Variants in NLGN4X observed in about 807,000 individuals in gnomAD.
NLGN4X encodes the protein neuroligin-4, X-linked.
NLGN4X carries 3 observed loss-of-function variants against 40.3 expected under a neutral mutation model. That is an observed-to-expected ratio of 0.07 (90% CI 0.03 to 0.19). The LOEUF is 0.19. Among genes scored for constraint, NLGN4X ranks in the 10% least tolerant of loss-of-function variants. NLGN4X has a pLI of 1.00. For missense variants in NLGN4X, 382 were observed against 708.3 expected (o/e 0.54, Z 5.23); for synonymous variants, 270 against 306.8 (o/e 0.88, Z 1.25).
At position 6,228,838 on chromosome X, in the gene NLGN4X, G is replaced by C. The variant is rs1353685617; in HGVS notation, c.-603C>G. 2 of 112,332 alleles carry C rather than the reference G, an allele frequency of 1.8e-5. No individual in the cohort carries two copies. Among genetic ancestry groups the C allele is most frequent in the Admixed American group, 1.9e-4 (2 of 10,636 alleles). The allele number at this position is 112,332 out of a possible 1,213,427, so 9.3% of individuals were successfully genotyped here. On this transcript the variant is annotated 5_prime_UTR_variant, in exon 1 of 6. Coordinates refer to ENST00000381095, the MANE Select transcript of NLGN4X (RefSeq NM_181332.3). ...TGGCTGAATAAGAGCTCTGTGCTAA[G>C]AGACAGAGAAGGGAGAGAGACGGTT...
At chrX:6,164,626 C>T (rs923070025) in intron 1 of NLGN4X, among the ~76,000 whole-genome samples, 1 of 111,413 alleles carries the variant, frequency 9.0e-6, no homozygotes, top group Non-Finnish European at 1.9e-5. Context: ...ATCTCTATGT[C>T]TCTTACATAA....
chrX:6,009,321 C>G (rs1044846281), intron 3 of NLGN4X, among the ~76,000 whole-genome samples: 6 of 111,823 alleles, frequency 5.4e-5, no homozygotes, highest in Non-Finnish European at 1.1e-4. Context: ...TCCATGTTTA[C>G]TTTTTTGAGG....
At chrX:5,990,521 G>GA (rs768500941) in intron 3 of NLGN4X, among the ~76,000 whole-genome samples, 4 of 111,867 alleles carry the variant, frequency 3.6e-5, no homozygotes, top group Non-Finnish European at 7.5e-5. Flanking sequence ...TATGTATGAA[G>GA]AAAGACAGGC....
At chrX:6,224,409 C>T (rs1044739813) in intron 1 of NLGN4X, among the ~76,000 whole-genome samples, 2 of 112,184 alleles carry the variant, frequency 1.8e-5, no homozygotes, top group Non-Finnish European at 3.8e-5. Context: ...AAGCAAGTCT[C>T]TGTTGCGGAG....
chrX:6,196,842 C>G (rs1329696970), intron 1 of NLGN4X, among the ~76,000 whole-genome samples: 1 of 111,404 alleles, frequency 9.0e-6, no homozygotes, highest in East Asian at 2.8e-4. Flanking sequence ...AAAGGAAAAC[C>G]CTTCCTGGGG....
chrX:5,978,271 TTTTTCTTTCTTTCTTTCTTTC>T (rs1462201059), intron 3 of NLGN4X, among the ~76,000 whole-genome samples: 1 of 91,238 alleles, frequency 1.1e-5, no homozygotes, highest in Non-Finnish European at 2.0e-5. Flanking sequence ...GGCGTCTCTT[TTTTTCTTTCTTTCTTTCTTTC>T]TTTCTTTCTT....
At chrX:5,912,977 A>AAGGAGGGAGGGAGG (rs2032570540) in intron 3 of NLGN4X, among the ~76,000 whole-genome samples, 1 of 52,250 alleles carries the variant, frequency 1.9e-5, no homozygotes, top group African/African-American at 8.1e-5. Flanking sequence ...GGAGGGAGGG[A>AAGGAGGGAGGGAGG]GAGCAGGAGG....
At chrX:5,930,038 A>G (rs1220891842) in intron 3 of NLGN4X, among the ~76,000 whole-genome samples, 1 of 112,179 alleles carries the variant, frequency 8.9e-6, no homozygotes, top group Non-Finnish European at 1.9e-5. Context: ...GTCACCTCTC[A>G]TAGGAGGGTC....
chrX:6,086,391 T>A (rs11798311), intron 2 of NLGN4X, among the ~76,000 whole-genome samples: 22,792 of 111,010 alleles, frequency 0.21, 1,796 homozygotes, highest in Admixed American at 0.26. Context: ...AAGCAATGAA[T>A]AATAGGAAAT....
At chrX:5,956,197 C>T (rs2034490700) in intron 3 of NLGN4X, among the ~76,000 whole-genome samples, 1 of 107,063 alleles carries the variant, frequency 9.3e-6, no homozygotes, top group Non-Finnish European at 1.9e-5. Flanking sequence ...TGTGTATATA[C>T]ACACATATAT....
chrX:5,967,669 G>T (rs965801896), intron 3 of NLGN4X, among the ~76,000 whole-genome samples: 34 of 111,494 alleles, frequency 3.0e-4, no homozygotes, highest in African/African-American at 1.1e-3. Flanking sequence ...TTTTTAATTT[G>T]CATCAGCAGT....
chrX:5,991,320 T>C, intron 3 of NLGN4X: 1 of 415,001 alleles, frequency 2.4e-6, no homozygotes, highest in Non-Finnish European at 4.4e-6. Context: ...CTCCTCTCCC[T>C]TCCCCCCACA....
intron 1 of NLGN4X, among the ~76,000 whole-genome samples, chrX:6,201,938 C>T (rs905651742): frequency 9.0e-5 from 10 of 110,794 alleles, no homozygotes; most frequent in South Asian, 3.9e-4. Flanking sequence ...TAGGACAGTA[C>T]GGAAGGAAGA....
chrX:5,979,187 C>T lies in NLGN4X; in HGVS notation c.625+50093G>A, dbSNP rs142191116. On this transcript the variant is annotated intron_variant, in intron 3 of 5. Transcript: ENST00000381095. ...AAAAGCGAAGTAACAGAATTACGGTCTCTTCATTGCTTGGCCTCTTAGGCT... is the reference window on the plus strand; with the variant it reads ...AAAAGCGAAGTAACAGAATTACGGTTTCTTCATTGCTTGGCCTCTTAGGCT... 6.8e-3 allele frequency among the ~76,000 whole-genome samples: 753 copies of T among 111,023 alleles called. 7 individuals carry two copies. The highest frequency in any genetic ancestry group is 0.023 in the African/African-American group (709 of 30,567).
At chrX:5,937,997 C>T (rs771002214) in intron 3 of NLGN4X, among the ~76,000 whole-genome samples, 2 of 111,671 alleles carry the variant, frequency 1.8e-5, no homozygotes, top group Non-Finnish European at 1.9e-5. Context: ...GACTCAAATC[C>T]CCAACTTTAG....
chrX:6,122,399 C>G (rs2039444842), intron 2 of NLGN4X, among the ~76,000 whole-genome samples: 1 of 110,898 alleles, frequency 9.0e-6, no homozygotes, highest in African/African-American at 3.3e-5. Flanking sequence ...CCTCCATGCC[C>G]AGGTAATTTT....
intron 3 of NLGN4X, among the ~76,000 whole-genome samples, chrX:5,965,341 T>C (rs1168733662): frequency 1.8e-5 from 2 of 111,690 alleles, no homozygotes; most frequent in Non-Finnish European, 3.8e-5. Flanking sequence ...ACTTGGAAGG[T>C]GGGATAGTCA....
intron 3 of NLGN4X, among the ~76,000 whole-genome samples, chrX:5,912,350 A>G (rs774592999): frequency 2.7e-5 from 3 of 111,565 alleles, no homozygotes; most frequent in East Asian, 2.8e-4. Context: ...TCAACCAATC[A>G]GCAGCACTCA....
intron 2 of NLGN4X, among the ~76,000 whole-genome samples, chrX:6,061,131 A>G (rs747380994): frequency 3.6e-5 from 4 of 111,619 alleles, no homozygotes; most frequent in African/African-American, 1.3e-4. Flanking sequence ...CCCCTTTGCT[A>G]AAATAACAAA....
Sources: gnomAD v4.1 joint callset for allele counts (sites outside exome capture counted in the v4.1 genomes callset) on GRCh38, gnomAD v4.1.1 for gene constraint, MANE v1.5 for transcripts, NCBI Gene and HGNC (gene_info 2026-07-23, HGNC 2026-07-21) for gene names.